ZNF860: variants seen among roughly 807,000 people sequenced by gnomAD.
The protein encoded by ZNF860 is zinc finger protein 860.
For missense variants in ZNF860, 641 were observed against 759.2 expected, an observed-to-expected ratio of 0.84 and a Z score of 1.83; for synonymous variants, 206 against 248.9, an observed-to-expected ratio of 0.83 and a Z score of 1.62.
rs778646091 is a variant in ZNF860, at chr3:31,990,746, A to G, written c.1667A>G (p.His556Arg). 6.2e-7 allele frequency: 1 copy of G among 1,614,016 alleles called. No individual in the cohort carries two copies. The highest frequency in any genetic ancestry group is 1.1e-5 in the South Asian group (1 of 91,068). Residue 556 changes from histidine (H) to arginine (R), a missense_variant, in exon 2 of 2, where the codon CAT (histidine) becomes CGT (arginine). Transcript: ENST00000360311. ...VFSRKSHHET[H>R]KRIHTGEKPY... ...AGTCGCAAATCACACCATGAAACACATAAGAGAATTCATACTGGAGAGAAA... is the reference window on the plus strand; with the variant it reads ...AGTCGCAAATCACACCATGAAACACGTAAGAGAATTCATACTGGAGAGAAA...
At chr3:31,993,419 G>T (rs900861450), downstream of ZNF860, among the ~76,000 whole-genome samples, 8 of 151,848 alleles carry the variant, frequency 5.3e-5, no homozygotes, top group South Asian at 6.2e-4. Context: ...TGTTGGTCAG[G>T]CTGGTTTCAA....
Position 31,989,171 on chromosome 3 carries a change from T to C in ZNF860, c.92T>C (p.Ile31Thr), listed in dbSNP as rs760103495. The C allele has an allele frequency of 2.5e-6, 4 of 1,614,146 alleles. No individual in the cohort carries two copies. Among genetic ancestry groups the C allele is most frequent in the South Asian group, 2.2e-5 (2 of 91,074 alleles). Residue 31 changes from isoleucine (I) to threonine (T), a missense_variant, in exon 2 of 2, where the codon ATA becomes ACA. Transcript: ENST00000360311. The part of the protein sequence containing the change: ...QGHLTFRDVA[I>T]EFSLEEWKCL... Reference sequence around the variant, plus strand: ...CACTTGACTTTTAGGGATGTGGCTATAGAATTCTCTTTGGAGGAGTGGAAA... The same window carrying C: ...CACTTGACTTTTAGGGATGTGGCTACAGAATTCTCTTTGGAGGAGTGGAAA...
downstream of ZNF860, among the ~76,000 whole-genome samples, chr3:31,995,016 GGTATATGAATAGGGA>G (rs1699075615): frequency 6.6e-6 from 1 of 152,112 alleles, no homozygotes; most frequent in South Asian, 2.1e-4. Flanking sequence ...AAGGGGAAGG[GGTATATGAATAGGGA>G]GTAGGTCACA....
the ZNF860 span, among the ~76,000 whole-genome samples, chr3:31,999,271 T>A: frequency 2.6e-5 from 4 of 152,310 alleles, no homozygotes; most frequent in South Asian, 8.3e-4. Flanking sequence ...ATGTCAGTGA[T>A]GATAACATGG....
chr3:31,983,846 A>G (rs1209100920), intron 1 of ZNF860, among the ~76,000 whole-genome samples: 1 of 152,232 alleles, frequency 6.6e-6, no homozygotes, highest in Non-Finnish European at 1.5e-5. Flanking sequence ...AGTTGGCAAA[A>G]AGTATTTGAA....
chr3:32,000,186 A>G, the ZNF860 span, among the ~76,000 whole-genome samples: 1 of 152,240 alleles, frequency 6.6e-6, no homozygotes. Flanking sequence ...GTTTTATACA[A>G]GTATAAAGCC....
chr3:31,996,042 CTG>C (rs1230428246), downstream of ZNF860, among the ~76,000 whole-genome samples: 3 of 152,302 alleles, frequency 2.0e-5, no homozygotes, highest in East Asian at 5.8e-4. Context: ...CAGGGTCACA[CTG>C]TGAGCTGGAG....
At chr3:31,982,354 C>G (rs1698867860) in intron 1 of ZNF860, among the ~76,000 whole-genome samples, 1 of 151,448 alleles carries the variant, frequency 6.6e-6, no homozygotes, top group South Asian at 2.1e-4. Flanking sequence ...CTCAGACTCT[C>G]TCTCTCACAC....
chr3:31,989,108 G>A lies in ZNF860; in HGVS notation c.29G>A (p.Arg10Lys), dbSNP rs779231450. Residue 10 changes from arginine to lysine, a missense_variant, in exon 2 of 2, where the codon AGG becomes AAG. Coordinates refer to ENST00000360311, the MANE Select transcript of ZNF860 (RefSeq NM_001137674.3). ...TTACGTGAGGAAGCAGCTCAGAAGA[G>A]GAAAGAAAAGGAGCCAGGCATGGCT... The part of the protein sequence containing the change: MLREEAAQK[R>K]KEKEPGMALP... 1 of 1,614,088 alleles carries A rather than the reference G, an allele frequency of 6.2e-7. No homozygotes were observed. Among genetic ancestry groups the A allele is most frequent in the African/African-American group, 1.3e-5 (1 of 75,060 alleles).
intron 1 of ZNF860, among the ~76,000 whole-genome samples, chr3:31,986,694 A>C (rs892093653): frequency 2.6e-5 from 4 of 152,162 alleles, no homozygotes; most frequent in Admixed American, 2.6e-4. Context: ...TCACTTTCAA[A>C]GATTTGCACA....
At chr3:31,994,199 G>A (rs902005194), downstream of ZNF860, among the ~76,000 whole-genome samples, 2 of 152,194 alleles carry the variant, frequency 1.3e-5, no homozygotes, top group African/African-American at 4.8e-5. Flanking sequence ...AGAGTTGAGA[G>A]TAGTGATTGC....
downstream of ZNF860, among the ~76,000 whole-genome samples, chr3:31,995,586 A>G (rs894856530): frequency 2.0e-5 from 3 of 152,216 alleles, no homozygotes; most frequent in South Asian, 6.2e-4. Flanking sequence ...TTTTACAATC[A>G]ATTTGTACAG....
chr3:32,000,866 C>A, the ZNF860 span, among the ~76,000 whole-genome samples: 1 of 152,182 alleles, frequency 6.6e-6, no homozygotes, highest in African/African-American at 2.4e-5. Context: ...CAACTGAATA[C>A]TCTAAGACGT....
the ZNF860 span, among the ~76,000 whole-genome samples, chr3:32,001,887 AT>A: frequency 6.6e-6 from 1 of 152,230 alleles, no homozygotes; most frequent in African/African-American, 2.4e-5. Context: ...CTCTTGGACA[AT>A]TTTTTTCTGA....
At position 31,989,024 on chromosome 3, in the gene ZNF860, G is replaced by A. The variant is rs1698983544; in HGVS notation, c.-56G>A. 3 of 1,600,764 alleles carry A rather than the reference G, an allele frequency of 1.9e-6. No individual in the cohort carries two copies. Among genetic ancestry groups the A allele is most frequent in the Admixed American group, 3.4e-5 (2 of 58,412 alleles). On this transcript the variant is annotated 5_prime_UTR_variant, in exon 2 of 2. Transcript: ENST00000360311. ...GAAACAGATAACTAATACAGAGCAG[G>A]AAGCAGATCGCCTCAGTGAAGGTCA...
Position 31,990,361 on chromosome 3 carries a change from T to A in ZNF860, c.1282T>A (p.Cys428Ser). The A allele has an allele frequency of 2.5e-6, 4 of 1,614,102 alleles. No individual in the cohort carries two copies. Among genetic ancestry groups the A allele is most frequent in the Non-Finnish European group, 3.4e-6 (4 of 1,179,990 alleles). ...CCATAATGAAGAGAGATCTTACAAG[T>A]GTAATAAATGTGGCAAATTTTTTAG... ...RIHNEERSYK[C>S]NKCGKFFRRR... The change falls in exon 2 of 2, where the codon TGT becomes AGT. Residue 428 changes from cysteine to serine, a missense_variant. Coordinates refer to ENST00000360311, the MANE Select transcript of ZNF860 (RefSeq NM_001137674.3).
chr3:31,992,686 C>A (rs1464624240), downstream of ZNF860, among the ~76,000 whole-genome samples: 1 of 152,126 alleles, frequency 6.6e-6, no homozygotes, highest in Non-Finnish European at 1.5e-5. Context: ...AACTAGACAT[C>A]TATATGCAAA....
Position 31,990,317 on chromosome 3 carries a change from T to C in ZNF860, c.1238T>C (p.Ile413Thr). 1.2e-6 allele frequency: 2 copies of C among 1,614,052 alleles called. No individual in the cohort carries two copies. The highest frequency in any genetic ancestry group is 1.7e-6 in the Non-Finnish European group (2 of 1,179,986). ...CHKVFSNATT[I>T]ANHWRIHNEE... Reference sequence around the variant, plus strand: ...AAAGTCTTCAGTAATGCTACAACCATTGCAAATCATTGGAGAATCCATAAT... The same window carrying C: ...AAAGTCTTCAGTAATGCTACAACCACTGCAAATCATTGGAGAATCCATAAT... The change falls in exon 2 of 2, where the codon ATT becomes ACT. Residue 413 changes from isoleucine to threonine, a missense_variant. Transcript: ENST00000360311.
chr3:31,990,867 T>G lies in ZNF860; in HGVS notation c.1788T>G (p.Cys596Trp). Residue 596 changes from cysteine (C) to tryptophan (W), a missense_variant, in exon 2 of 2, where the codon TGT becomes TGG. Cys to Trp is a radical substitution (Grantham distance 215). Coordinates refer to ENST00000360311, the MANE Select transcript of ZNF860 (RefSeq NM_001137674.3). ...RIHMGEKHHK[C>W]DDCGKAFTSH... ...ATATGGGAGAGAAACATCACAAGTG[T>G]GATGATTGTGGCAAAGCCTTTACTT... The G allele has an allele frequency of 6.3e-7, 1 of 1,577,912 alleles. No individual in the cohort carries two copies. Among genetic ancestry groups the G allele is most frequent in the Non-Finnish European group, 8.6e-7 (1 of 1,160,574 alleles).
Sources: allele counts gnomAD v4.1 joint callset (sites outside exome capture counted in the v4.1 genomes callset), GRCh38; gene constraint gnomAD v4.1.1; transcripts MANE v1.5; gene names NCBI Gene and HGNC (gene_info 2026-07-23, HGNC 2026-07-21).